ANKRD28: variants seen among roughly 807,000 people sequenced by gnomAD.
ANKRD28 encodes ankyrin repeat domain 28.
In ANKRD28, 44 loss-of-function variants were observed where a neutral mutation model predicts 126.5. The observed-to-expected ratio is 0.35, with a 90% confidence interval of 0.27 to 0.45. ANKRD28 has a LOEUF of 0.45. ANKRD28 is among the 20% of genes least tolerant of loss of function. The probability of loss-of-function intolerance (pLI) is 1.00; values close to 1 mark genes in which losing one functional copy is unlikely to be tolerated. For synonymous variants in ANKRD28, 442 were observed against 468.5 expected, an observed-to-expected ratio of 0.94 and a Z score of 0.73; for missense variants, 1,110 against 1,316.6, an observed-to-expected ratio of 0.84 and a Z score of 2.43.
chr3:15,721,296 C>A (rs1401499236), intron 7 of ANKRD28, among the ~76,000 whole-genome samples, 169 bp from the exon 8 acceptor site: 1 of 152,110 alleles, frequency 6.6e-6, no homozygotes, highest in South Asian at 2.1e-4. Context: ...AAATAATAAA[C>A]CCTTGACAAG....
At chr3:15,805,291 T>C (rs2060554223) in intron 1 of ANKRD28, among the ~76,000 whole-genome samples, 1 of 152,206 alleles carries the variant, frequency 6.6e-6, no homozygotes, top group Non-Finnish European at 1.5e-5. Context: ...TAGTACTGCA[T>C]TTAAGTAATG....
At position 15,830,158 on chromosome 3, in the gene ANKRD28, T is replaced by C. The variant is rs2061158271; in HGVS notation, c.27+29219A>G. Among the ~76,000 whole-genome samples, 3 of 152,200 alleles carry C rather than the reference T, an allele frequency of 2.0e-5. 1 individual carries two copies. The highest frequency in any genetic ancestry group is 4.1e-4 in the South Asian group (2 of 4,836). On this transcript the variant is annotated intron_variant, in intron 1 of 27. Transcript: ENST00000399451. This position sits in a 1 kb window ranked among gnomAD's most constrained non-coding sequence, Gnocchi z 4.5. Reference sequence around the variant, plus strand: ...CTGGTGCCACTAACTTGATTCCTAATACATCAGCAGTAAGTACTATTACTT... The same window carrying C: ...CTGGTGCCACTAACTTGATTCCTAACACATCAGCAGTAAGTACTATTACTT...
At chr3:15,685,501 A>C (rs3817082) in intron 20 of ANKRD28, 56 bp from the exon 21 acceptor site, 1 of 1,521,318 alleles carries the variant, frequency 6.6e-7, no homozygotes, top group Non-Finnish European at 9.1e-7. Context: ...ATTACATGCC[A>C]ATTTCAGCTA....
At chr3:15,800,956 C>T (rs1014396864), upstream of ANKRD28, among the ~76,000 whole-genome samples, 1 of 152,016 alleles carries the variant, frequency 6.6e-6, no homozygotes. Context: ...TAAAAGGAGA[C>T]AAGTGAATAT....
At chr3:15,736,293 T>C (rs965410311) in intron 5 of ANKRD28, among the ~76,000 whole-genome samples, 3 of 152,170 alleles carry the variant, frequency 2.0e-5, no homozygotes, top group African/African-American at 7.2e-5. Context: ...TCGGTATGTA[T>C]AGGAAAAAAA....
At chr3:15,736,558 A>G (rs2075029726) in intron 5 of ANKRD28, among the ~76,000 whole-genome samples, 1 of 152,346 alleles carries the variant, frequency 6.6e-6, no homozygotes, top group East Asian at 1.9e-4. Context: ...ATAAACCCCA[A>G]TCTTTGCTAT....
At chr3:15,670,892 C>T (rs1220729086) in intron 27 of ANKRD28, among the ~76,000 whole-genome samples, 2 of 152,132 alleles carry the variant, frequency 1.3e-5, no homozygotes, top group Non-Finnish European at 2.9e-5. Context: ...CGTGAATATT[C>T]TTTCAGGATG....
chr3:15,699,052 A>G (rs886601474), intron 14 of ANKRD28, among the ~76,000 whole-genome samples: 7 of 152,218 alleles, frequency 4.6e-5, no homozygotes, highest in Non-Finnish European at 7.3e-5. Flanking sequence ...TATATAGAAC[A>G]ATGGAACAGA....
At chr3:15,727,838 T>C (rs1156377205) in intron 6 of ANKRD28, among the ~76,000 whole-genome samples, 6 of 152,184 alleles carry the variant, frequency 3.9e-5, no homozygotes, top group African/African-American at 1.4e-4. Context: ...TTCTTATGGA[T>C]GAGTAAAGAC....
In ANKRD28 at chr3:15,797,569, A is replaced by T. The variant is rs572744824; in HGVS notation, c.-1048T>A. ...CTTTTTGTTTTCTTTAAAAAAAAAA[A>T]GGGGGGGGAAAAACATAGTAGTGTA... On this transcript the variant is annotated 5_prime_UTR_variant, in exon 1 of 28. Coordinates refer to ENST00000683139, the MANE Select transcript of ANKRD28 (RefSeq NM_001349278.2). 1.0e-6 allele frequency: 1 copy of T among 981,252 alleles called. No homozygotes were observed. The highest frequency in any genetic ancestry group is 1.1e-4 in the East Asian group (1 of 8,696). The allele number at this position is 981,252 out of a possible 1,614,324, so 60.8% of individuals were successfully genotyped here.
chr3:15,854,540 C>A lies in ANKRD28; in HGVS notation c.27+4837G>T, dbSNP rs1302186725. Among the ~76,000 whole-genome samples, 2 of 152,054 alleles carry A rather than the reference C, an allele frequency of 1.3e-5. No homozygotes were observed. Among genetic ancestry groups the A allele is most frequent in the Non-Finnish European group, 2.9e-5 (2 of 68,016 alleles). ...TTCTATTTTGTATTGCAAAAGGTAT[C>A]CAAAAAGTGAGGAAACACAGAACTT... On this transcript the variant is annotated intron_variant, in intron 1 of 27. Transcript: ENST00000399451. The surrounding 1 kb of genome is among the most constrained non-coding windows in gnomAD (Gnocchi z 4.1).
chr3:15,820,343 AAAC>A (rs958200247), intron 1 of ANKRD28, among the ~76,000 whole-genome samples: 5 of 152,338 alleles, frequency 3.3e-5, no homozygotes, highest in African/African-American at 1.2e-4. Context: ...TCTTAAAAAC[AAAC>A]AACAGTGGAA....
intron 4 of ANKRD28, among the ~76,000 whole-genome samples, chr3:15,742,489 C>A (rs1266220744): frequency 7.2e-6 from 1 of 139,716 alleles, no homozygotes; most frequent in African/African-American, 2.7e-5. Context: ...AGTGAGGAGA[C>A]CCTCCGCCTG....
Position 15,667,762 on chromosome 3 carries a change from T to A in ANKRD28, c.*2508A>T, listed in dbSNP as rs1380168526. ...AAAAGTAATGAAATAGTTTTCTTAG[T>A]GGGGTGGCATTCGCAAGAACTACCT... is the stretch of plus-strand genomic sequence containing the variant. On this transcript the variant is annotated 3_prime_UTR_variant, in exon 28 of 28. Transcript: ENST00000683139. The A allele has an allele frequency of 6.6e-6, 1 of 152,164 alleles. No homozygotes were observed. The highest frequency in any genetic ancestry group is 1.5e-5 in the Non-Finnish European group (1 of 68,030). 9.4% of individuals were successfully genotyped at this position (152,164 alleles called of 1,614,324 possible). A position where few individuals can be genotyped will look rare whatever the true frequency, so the allele number is the denominator to read the frequency against.
intron 21 of ANKRD28, among the ~76,000 whole-genome samples, chr3:15,680,227 T>TG (rs1228395808): frequency 1.3e-5 from 2 of 152,198 alleles, no homozygotes; most frequent in Non-Finnish European, 2.9e-5. Context: ...TTATTTTAGA[T>TG]GGAGTCTCAC....
intron 1 of ANKRD28, among the ~76,000 whole-genome samples, chr3:15,827,533 T>C (rs1314876287): frequency 3.3e-5 from 5 of 152,172 alleles, no homozygotes; most frequent in Non-Finnish European, 4.4e-5. Context: ...CTTTTGCATG[T>C]GGGGAAATCT....
At position 15,845,895 on chromosome 3, in the gene ANKRD28, T is replaced by G. The variant is rs1432825590; in HGVS notation, c.27+13482A>C. On this transcript the variant is annotated intron_variant, in intron 1 of 27. Transcript: ENST00000399451. The surrounding 1 kb of genome is among the most constrained non-coding windows in gnomAD (Gnocchi z 4.9). ...GCATCTCGTGAAAACTCGCTCACTA[T>G]CAAGAGAACAGCAAGGGGGAAATCT... Among the ~76,000 whole-genome samples the G allele has an allele frequency of 6.6e-6, 1 of 152,068 alleles. No individual in the cohort carries two copies. Among genetic ancestry groups the G allele is most frequent in the Non-Finnish European group, 1.5e-5 (1 of 68,022 alleles).
In ANKRD28 at chr3:15,667,762, T is replaced by G. The variant is rs1380168526; in HGVS notation, c.*2508A>C. The G allele has an allele frequency of 6.6e-6, 1 of 152,164 alleles. No individual in the cohort carries two copies. The highest frequency in any genetic ancestry group is 1.5e-5 in the Non-Finnish European group (1 of 68,030). 9.4% of individuals were successfully genotyped at this position (152,164 alleles called of 1,614,324 possible). A position where few individuals can be genotyped will look rare whatever the true frequency, so the allele number is the denominator to read the frequency against. On this transcript the variant is annotated 3_prime_UTR_variant, in exon 28 of 28. Coordinates refer to ENST00000683139, the MANE Select transcript of ANKRD28 (RefSeq NM_001349278.2). Reference sequence around the variant, plus strand: ...AAAAGTAATGAAATAGTTTTCTTAGTGGGGTGGCATTCGCAAGAACTACCT... The same window carrying G: ...AAAAGTAATGAAATAGTTTTCTTAGGGGGGTGGCATTCGCAAGAACTACCT...
intron 2 of ANKRD28, among the ~76,000 whole-genome samples, chr3:15,794,438 G>A (rs983273656): frequency 1.3e-5 from 2 of 152,032 alleles, no homozygotes; most frequent in Non-Finnish European, 2.9e-5. Flanking sequence ...CAGCGACTTT[G>A]TGAATCATAT....
Sources: allele counts gnomAD v4.1 joint callset (sites outside exome capture counted in the v4.1 genomes callset), GRCh38; gene constraint gnomAD v4.1.1; non-coding constraint Gnocchi (gnomAD v3.1); transcripts MANE v1.5; gene names NCBI Gene and HGNC (gene_info 2026-07-23, HGNC 2026-07-21).